The following MYO16 variants were observed in gnomAD, a reference collection of about 807,000 sequenced individuals.
MYO16 encodes the protein myosin XVI.
In MYO16, 94 loss-of-function variants were observed where a neutral mutation model predicts 205.3. The ratio of observed to expected loss-of-function variants is 0.46; its 90% confidence interval spans 0.39 to 0.54. The LOEUF (loss-of-function observed/expected upper bound fraction) is 0.54. MYO16 is among the 20% of genes least tolerant of loss of function. MYO16 has a pLI of 0.00. For missense variants in MYO16, 2,315 were observed against 2,387.5 expected, an observed-to-expected ratio of 0.97 and a Z score of 0.63; for synonymous variants, 988 against 954.0, an observed-to-expected ratio of 1.04 and a Z score of -0.66.
At chr13:109,151,894 C>T (rs113026180) in intron 32 of MYO16, among the ~76,000 whole-genome samples, 41 of 152,144 alleles carry the variant, frequency 2.7e-4, no homozygotes, top group African/African-American at 8.0e-4. Flanking sequence ...CGTTTGGTGA[C>T]GTTACATTCC....
At chr13:109,197,209 T>C (rs1471193569) in intron 34 of MYO16, among the ~76,000 whole-genome samples, 1 of 152,196 alleles carries the variant, frequency 6.6e-6, no homozygotes, top group African/African-American at 2.4e-5. Flanking sequence ...CCATGTGATT[T>C]CAGAGCAGCC....
chr13:109,072,530 T>C (rs1002581642), intron 27 of MYO16, among the ~76,000 whole-genome samples: 4 of 152,032 alleles, frequency 2.6e-5, no homozygotes, highest in Non-Finnish European at 4.4e-5. Context: ...GGGAATCCTC[T>C]TTTTCTTTTG....
rs115988004 is a variant in MYO16, at chr13:108,758,879, G to C, written c.508-26756G>C. Among the ~76,000 whole-genome samples, 771 of 152,280 alleles carry C rather than the reference G, an allele frequency of 5.1e-3. 6 individuals are homozygous for C. Among genetic ancestry groups the C allele is most frequent in the African/African-American group, 0.017 (724 of 41,568 alleles). ...AGAATAGTGGACATTCCTGATGTATGATTTAGTGTAATATCTTTTTCTTCT... is the reference window on the plus strand; with the variant it reads ...AGAATAGTGGACATTCCTGATGTATCATTTAGTGTAATATCTTTTTCTTCT... On this transcript the variant is annotated intron_variant, in intron 4 of 34. Coordinates refer to ENST00000457511, the MANE Select transcript of MYO16 (RefSeq NM_001198950.3).
In MYO16 at chr13:109,162,374, T is replaced by C. The variant is rs1399294321; in HGVS notation, c.5165-2527T>C. Reference sequence around the variant, plus strand: ...CTGCGCTGAGAATAAAACCTCTCAGTTCCTCTTTGGTGGTTTCCCAGGCCC... The same window carrying C: ...CTGCGCTGAGAATAAAACCTCTCAGCTCCTCTTTGGTGGTTTCCCAGGCCC... On this transcript the variant is annotated intron_variant, in intron 32 of 34. Transcript: ENST00000457511. The surrounding 1 kb of genome is among the most constrained non-coding windows in gnomAD (Gnocchi z 4.6). 6.6e-6 allele frequency among the ~76,000 whole-genome samples: 1 copy of C among 152,172 alleles called. No homozygotes were observed. Among genetic ancestry groups the C allele is most frequent in the Non-Finnish European group, 1.5e-5 (1 of 68,026 alleles).
intron 12 of MYO16, 23 bp from the exon 13 acceptor site, chr13:108,883,036 C>G (rs1879693391): frequency 4.3e-6 from 7 of 1,612,280 alleles, no homozygotes; most frequent in Non-Finnish European, 5.9e-6. Flanking sequence ...AGGTTTTCCC[C>G]TTGCTGCTGC....
Position 109,205,214 on chromosome 13 carries a change from T to C in MYO16, c.5416-1395T>C, listed in dbSNP as rs185840798. Among the ~76,000 whole-genome samples the C allele has an allele frequency of 3.6e-3, 541 of 152,284 alleles. 1 individual carries two copies. Among genetic ancestry groups the C allele is most frequent in the Non-Finnish European group, 5.5e-3 (375 of 68,030 alleles). On this transcript the variant is annotated intron_variant, in intron 34 of 34. Transcript: ENST00000457511. The stretch of plus-strand genomic sequence containing the variant: ...ATTCAACTGGGGAGGCTCCTTTTAC[T>C]AATAACCAGCTCCAGAACTCTAGTT...
rs202021294 is a variant in MYO16, at chr13:109,055,136, G to T, written c.3129+10G>T. 3.4e-5 allele frequency: 53 copies of T among 1,556,496 alleles called. No homozygotes were observed. In the African/African-American group the frequency reaches 7.2e-4, roughly 21 times the overall value. On this transcript the variant is annotated intron_variant, in intron 26 of 34. Transcript: ENST00000457511. The surrounding 1 kb of genome is among the most constrained non-coding windows in gnomAD (Gnocchi z 5.0). ...AGCATCACAACTCAGGGTTAGTGAC[G>T]TTTTCAGATTTCAAAAACTTAATGT...
chr13:108,617,516 G>T (rs1453798499), intron 1 of MYO16, among the ~76,000 whole-genome samples: 1 of 152,140 alleles, frequency 6.6e-6, no homozygotes, highest in East Asian at 1.9e-4. Flanking sequence ...ACAACCTGTT[G>T]TTGTAAATGC....
rs1387917705 is a variant in MYO16 at position 108,710,054 on chromosome 13, G to C, written c.293-2607G>C. Among the ~76,000 whole-genome samples the C allele has an allele frequency of 3.9e-5, 3 of 77,760 alleles. 1 individual carries two copies. Among genetic ancestry groups the C allele is most frequent in the South Asian group, 5.8e-4 (1 of 1,732 alleles). 51.0% of individuals were successfully genotyped at this position (77,760 alleles called of 152,430 possible). A position where few individuals can be genotyped will look rare whatever the true frequency, so the allele number is the denominator to read the frequency against. ...GATGAAAAGGACCTTCAAAGAGCTT[G>C]AGTGTAGCCCTGCTCTCATTCCTGG... On this transcript the variant is annotated intron_variant, in intron 2 of 34. Transcript: ENST00000457511.
At chr13:108,827,310 C>T (rs1876327320) in intron 9 of MYO16, among the ~76,000 whole-genome samples, 1 of 152,026 alleles carries the variant, frequency 6.6e-6, no homozygotes, top group Non-Finnish European at 1.5e-5. Flanking sequence ...GTTCATTTTT[C>T]TGCTATCTCA....
At chr13:108,735,485 G>T (rs995576763) in intron 4 of MYO16, among the ~76,000 whole-genome samples, 2 of 151,142 alleles carry the variant, frequency 1.3e-5, no homozygotes, top group African/African-American at 4.9e-5. Flanking sequence ...TATATACCAT[G>T]TGTATTCCAT....
intron 16 of MYO16, among the ~76,000 whole-genome samples, chr13:108,957,421 T>C (rs1883410332): frequency 6.6e-6 from 1 of 151,180 alleles, no homozygotes. Context: ...GAATCACTTG[T>C]GACCTTCTCC....
At chr13:108,636,363 T>G (rs1418468223) in intron 1 of MYO16, among the ~76,000 whole-genome samples, 26,163 of 73,520 alleles carry the variant, frequency 0.36, 3,873 homozygotes, top group African/African-American at 0.4. Context: ...TTTTTTTTTT[T>G]TTTTTTTGTG....
At chr13:108,538,784 T>C in the MYO16 span, among the ~76,000 whole-genome samples, 1 of 152,102 alleles carries the variant, frequency 6.6e-6, no homozygotes, top group Non-Finnish European at 1.5e-5. Flanking sequence ...AATCTTTTTG[T>C]GGAATGAACA....
At chr13:108,810,187 A>G (rs196180) in intron 7 of MYO16, among the ~76,000 whole-genome samples, 23,386 of 152,218 alleles carry the variant, frequency 0.15, 2,556 homozygotes, top group African/African-American at 0.3. Flanking sequence ...CTTCTGATAC[A>G]TTTTAGTACT....
the MYO16 span, among the ~76,000 whole-genome samples, chr13:108,527,658 C>T: frequency 1.3e-5 from 2 of 151,992 alleles, no homozygotes; most frequent in Non-Finnish European, 2.9e-5. Context: ...TATACAGCTG[C>T]CTTTCTAAAA....
At chr13:108,752,591 G>A (rs994225142) in intron 4 of MYO16, among the ~76,000 whole-genome samples, 5 of 151,692 alleles carry the variant, frequency 3.3e-5, no homozygotes, top group African/African-American at 1.2e-4. Flanking sequence ...TTATGAGACT[G>A]GAGATTTCCT....
At chr13:108,646,405 T>C (rs1183389472) in intron 1 of MYO16, among the ~76,000 whole-genome samples, 1 of 152,218 alleles carries the variant, frequency 6.6e-6, no homozygotes, top group African/African-American at 2.4e-5. Context: ...ATGAAATTGT[T>C]GTATTAAAGG....
At chr13:109,046,354 T>C (rs1887043379) in intron 23 of MYO16, among the ~76,000 whole-genome samples, 1 of 152,220 alleles carries the variant, frequency 6.6e-6, no homozygotes, top group Non-Finnish European at 1.5e-5. Flanking sequence ...TCTCAGCCTC[T>C]ACTAGTAGGC....
Sources: allele counts gnomAD v4.1 joint callset (sites outside exome capture counted in the v4.1 genomes callset), GRCh38; gene constraint gnomAD v4.1.1; non-coding constraint Gnocchi (gnomAD v3.1); transcripts MANE v1.5; gene names NCBI Gene and HGNC (gene_info 2026-07-23, HGNC 2026-07-21).